ATXN10: variants seen among roughly 807,000 people sequenced by gnomAD.
ATXN10 encodes the protein ataxin 10, also known as ataxin-10.
In ATXN10, 28 loss-of-function variants were observed where a neutral mutation model predicts 52.9. The ratio of observed to expected loss-of-function variants is 0.53; its 90% CI spans 0.39 to 0.73. The LOEUF is 0.73. Among genes scored for constraint, ATXN10 ranks in the 30% least tolerant of loss-of-function variants. The probability of loss-of-function intolerance (pLI) is 0.00; values close to 1 mark genes in which losing one functional copy is unlikely to be tolerated. For missense variants in ATXN10, 565 were observed against 577.0 expected, an observed-to-expected ratio of 0.98 and a Z score of 0.21; for synonymous variants, 226 against 221.5, an observed-to-expected ratio of 1.02 and a Z score of -0.18.
In ATXN10 at chr22:45,705,122, A is replaced by G. The variant is rs942948892; in HGVS notation, c.647+2275A>G. On this transcript the variant is annotated intron_variant, in intron 5 of 11. Transcript: ENST00000252934. The surrounding 1 kb of genome is among the most constrained non-coding windows in gnomAD (Gnocchi z 5.2). ...TTCCTGAGATAAATCCTACTTGTTC[A>G]TAGTGTATAATCCTTTTTATATGTT... is the stretch of plus-strand genomic sequence containing the variant. 9.9e-5 allele frequency among the ~76,000 whole-genome samples: 15 copies of G among 152,246 alleles called. No individual in the cohort carries two copies. The South Asian group carries it at 2.7e-3, about 27-fold the overall frequency.
rs1243805163 is a variant in ATXN10 at position 45,770,436 on chromosome 22, C to T, written c.1173+29898C>T. 2.0e-5 allele frequency among the ~76,000 whole-genome samples: 3 copies of T among 152,130 alleles called. No individual in the cohort carries two copies. The highest frequency in any genetic ancestry group is 1.9e-4 in the East Asian group (1 of 5,202). On this transcript the variant is annotated intron_variant, in intron 9 of 11. Transcript: ENST00000252934. The surrounding 1 kb of genome is among the most constrained non-coding windows in gnomAD (Gnocchi z 4.5). ...AATATACACACTAATGGGACACACA[C>T]GTGTGTTTCTGTGTCTGTGAATGTG...
chr22:45,694,881 C>A (rs1237692599), intron 3 of ATXN10, among the ~76,000 whole-genome samples: 1 of 125,152 alleles, frequency 8.0e-6, no homozygotes, highest in South Asian at 2.5e-4. Flanking sequence ...GTGGAAGTTG[C>A]AGTGAGCTGA....
At chr22:45,792,792 G>T in intron 9 of ATXN10, 1 of 509,210 alleles carries the variant, frequency 2.0e-6, no homozygotes. Flanking sequence ...ATCCAATTTT[G>T]TGACATCATT....
chr22:45,799,228 G>T (rs185944145), intron 9 of ATXN10, among the ~76,000 whole-genome samples: 1 of 151,968 alleles, frequency 6.6e-6, no homozygotes, highest in Admixed American at 6.6e-5. Context: ...CTGCCACCAC[G>T]CCCGTCCCAG....
In ATXN10 at chr22:45,672,130, C is replaced by G. The variant is rs759066698; in HGVS notation, c.67C>G (p.Leu23Val). The G allele has an allele frequency of 6.5e-6, 10 of 1,540,328 alleles. No homozygotes were observed. The highest frequency in any genetic ancestry group is 8.7e-6 in the Non-Finnish European group (10 of 1,145,584). Residue 23 changes from leucine to valine, a missense_variant, in exon 1 of 12, where the codon CTG (leucine) becomes GTG (valine). Transcript: ENST00000252934. ...GVMVPAPIQD[L>V]EALRALTALF... is the part of the protein sequence containing the mutation. Reference sequence around the variant, plus strand: ...CATGGTGCCGGCGCCCATCCAAGACCTGGAGGCCCTGCGCGCGCTCACGGC... The same window carrying G: ...CATGGTGCCGGCGCCCATCCAAGACGTGGAGGCCCTGCGCGCGCTCACGGC...
rs1364936784 is a variant in ATXN10 at position 45,840,238 on chromosome 22, A to G, written c.1238-2753A>G. Among the ~76,000 whole-genome samples the G allele has an allele frequency of 3.9e-5, 6 of 152,164 alleles. No individual in the cohort carries two copies. The highest frequency in any genetic ancestry group is 5.9e-5 in the Non-Finnish European group (4 of 68,020). Reference sequence around the variant, plus strand: ...TGTGCTGGGAACGAGACTCGGTGCTAGGATATCGAAGTCAATTAGATGGGG... The same window carrying G: ...TGTGCTGGGAACGAGACTCGGTGCTGGGATATCGAAGTCAATTAGATGGGG... On this transcript the variant is annotated intron_variant, in intron 10 of 11. Coordinates refer to ENST00000252934, the MANE Select transcript of ATXN10 (RefSeq NM_013236.4). The surrounding 1 kb of genome is among the most constrained non-coding windows in gnomAD (Gnocchi z 5.8).
At chr22:45,711,353 G>T (rs1924241582) in intron 5 of ATXN10, among the ~76,000 whole-genome samples, 1 of 152,156 alleles carries the variant, frequency 6.6e-6, no homozygotes, top group Non-Finnish European at 1.5e-5. Context: ...ACGGATTAGT[G>T]GTTGTCGGGG....
intron 10 of ATXN10, among the ~76,000 whole-genome samples, chr22:45,814,482 A>G (rs1928392209): frequency 6.6e-6 from 1 of 152,228 alleles, no homozygotes; most frequent in African/African-American, 2.4e-5. Context: ...GATGGCAAGG[A>G]TATGAAGCAG....
At position 45,755,945 on chromosome 22, in the gene ATXN10, A is replaced by G. The variant is rs527800679; in HGVS notation, c.1173+15407A>G. Among the ~76,000 whole-genome samples, 11 of 152,312 alleles carry G rather than the reference A, an allele frequency of 7.2e-5. No individual in the cohort carries two copies. The South Asian group carries it at 2.3e-3, about 32-fold the overall frequency. On this transcript the variant is annotated intron_variant, in intron 9 of 11. Coordinates refer to ENST00000252934, the MANE Select transcript of ATXN10 (RefSeq NM_013236.4). ...CAGCCAATCAAGGGTGCAACCGCAT[A>G]AGAACCCAGGTGGCCTGGCCCCAGA...
rs1056970740 is a variant in ATXN10, at chr22:45,826,892, G to A, written c.1238-16099G>A. Reference sequence around the variant, plus strand: ...AAATTCATGAGCAATATACAAGCTAGTTTATAACTTCACATTTTGTTTTCT... The same window carrying A: ...AAATTCATGAGCAATATACAAGCTAATTTATAACTTCACATTTTGTTTTCT... On this transcript the variant is annotated intron_variant, in intron 10 of 11. Transcript: ENST00000252934. This position sits in a 1 kb window ranked among gnomAD's most constrained non-coding sequence, Gnocchi z 5.0. Among the ~76,000 whole-genome samples, 1 of 152,190 alleles carries A rather than the reference G, an allele frequency of 6.6e-6. No individual in the cohort carries two copies. Among genetic ancestry groups the A allele is most frequent in the African/African-American group, 2.4e-5 (1 of 41,450 alleles).
At chr22:45,714,037 A>C (rs991407306) in intron 5 of ATXN10, among the ~76,000 whole-genome samples, 1 of 152,170 alleles carries the variant, frequency 6.6e-6, no homozygotes, top group Non-Finnish European at 1.5e-5. Context: ...AAAGGAATGT[A>C]CTGTTATAAT....
chr22:45,693,077 A>G lies in ATXN10; in HGVS notation c.390A>G (p.Thr130=). The change falls in exon 3 of 12, where the codon ACA becomes ACG. Residue 130 remains threonine, a splice_region_variant and synonymous_variant. Transcript: ENST00000252934. ...ELRVEQESLL[T]AFRCGLQFLG... ...GAGTGGAACAGGAATCTCTGTTGAC[A>G]GGTAGCATGCAATATAATTCATGGA... 1 of 1,612,848 alleles carries G rather than the reference A, an allele frequency of 6.2e-7. No individual in the cohort carries two copies. Among genetic ancestry groups the G allele is most frequent in the Non-Finnish European group, 8.5e-7 (1 of 1,178,866 alleles).
intron 10 of ATXN10, among the ~76,000 whole-genome samples, chr22:45,821,188 C>T (rs1763633089): frequency 2.6e-5 from 4 of 152,082 alleles, no homozygotes; most frequent in Admixed American, 2.6e-4. Flanking sequence ...ATCAAAACTA[C>T]TTCCTTTGTG....
chr22:45,705,664 A>G lies in ATXN10; in HGVS notation c.647+2817A>G, dbSNP rs954482013. On this transcript the variant is annotated intron_variant, in intron 5 of 11. Transcript: ENST00000252934. The surrounding 1 kb of genome is among the most constrained non-coding windows in gnomAD (Gnocchi z 5.2). ...TTGGCCAGGTTGGTATTGAACTCCT[A>G]ATCTCATGAGCCACCTGCCTCAGCC... Among the ~76,000 whole-genome samples the G allele has an allele frequency of 6.6e-6, 1 of 151,934 alleles. No individual in the cohort carries two copies. Among genetic ancestry groups the G allele is most frequent in the African/African-American group, 2.4e-5 (1 of 41,374 alleles).
intron 5 of ATXN10, chr22:45,704,168 C>G (rs570673179): frequency 2.1e-5 from 3 of 146,298 alleles, no homozygotes; most frequent in African/African-American, 7.5e-5. Flanking sequence ...TTTGCCAGTA[C>G]TACAGTGTCT....
intron 9 of ATXN10, among the ~76,000 whole-genome samples, chr22:45,745,405 G>A (rs1469672368): frequency 3.3e-5 from 5 of 152,122 alleles, no homozygotes. Context: ...TCTGCTAAAG[G>A]TTATGGAACT....
At chr22:45,827,883 T>A (rs1601672205) in intron 10 of ATXN10, among the ~76,000 whole-genome samples, 1 of 152,212 alleles carries the variant, frequency 6.6e-6, no homozygotes, top group East Asian at 1.9e-4. Context: ...GGTAACAAAT[T>A]AAGTTTCCAT....
At chr22:45,788,223 A>G (rs939440558) in intron 9 of ATXN10, among the ~76,000 whole-genome samples, 4 of 152,124 alleles carry the variant, frequency 2.6e-5, no homozygotes, top group African/African-American at 9.7e-5. Context: ...GAGATGGATA[A>G]TATATAACTG....
At chr22:45,717,034 ACACTG>A (rs1398864768) in intron 5 of ATXN10, among the ~76,000 whole-genome samples, 8 of 152,100 alleles carry the variant, frequency 5.3e-5, no homozygotes, top group African/African-American at 1.9e-4. Context: ...TTCCCCAGAC[ACACTG>A]CTGTTCTTTC....
Sources: allele counts gnomAD v4.1 joint callset (sites outside exome capture counted in the v4.1 genomes callset), GRCh38; gene constraint gnomAD v4.1.1; non-coding constraint Gnocchi (gnomAD v3.1); transcripts MANE v1.5; gene names NCBI Gene and HGNC (gene_info 2026-07-23, HGNC 2026-07-21).